PTPRU: variants seen among roughly 807,000 people sequenced by gnomAD.
The protein encoded by PTPRU is receptor-type tyrosine-protein phosphatase U.
PTPRU carries 69 observed loss-of-function variants against 166.3 expected under a neutral mutation model. The ratio of observed to expected loss-of-function variants is 0.41; its 90% confidence interval spans 0.34 to 0.51. PTPRU has a LOEUF of 0.51. Ranked by LOEUF, PTPRU falls within the 20% of genes least tolerant of loss-of-function variation. PTPRU has a pLI of 0.09. For missense variants in PTPRU, 1,657 were observed against 2,013.7 expected, an observed-to-expected ratio of 0.82 and a Z score of 3.39; for synonymous variants, 793 against 814.0, an observed-to-expected ratio of 0.97 and a Z score of 0.44.
chr1:29,299,349 G>A (rs943331602), intron 15 of PTPRU, among the ~76,000 whole-genome samples: 3 of 152,190 alleles, frequency 2.0e-5, no homozygotes, highest in Non-Finnish European at 4.4e-5. Flanking sequence ...TGGGCAAACT[G>A]GTCCTTAGGG....
chr1:29,282,627 C>A, intron 11 of PTPRU, 49 bp from the exon 12 acceptor site: 2 of 1,567,294 alleles, frequency 1.3e-6, no homozygotes, highest in Admixed American at 1.8e-5. Context: ...CTGGCTCTCC[C>A]AGTCCTCTGG....
chr1:29,286,304 C>T (rs1293856911), intron 14 of PTPRU, among the ~76,000 whole-genome samples: 10 of 152,216 alleles, frequency 6.6e-5, no homozygotes, highest in African/African-American at 2.4e-4. Flanking sequence ...GCTTCACACA[C>T]ATCATCCATG....
At chr1:29,275,798 C>G in intron 8 of PTPRU, 42 bp downstream of exon 8, 1 of 1,588,444 alleles carries the variant, frequency 6.3e-7, no homozygotes. Context: ...TGTGTACCTC[C>G]CACAGATACG....
Position 29,275,772 on chromosome 1 carries a change from C to A in PTPRU, c.1453+16C>A, listed in dbSNP as rs759972103. 6.2e-7 allele frequency: 1 copy of A among 1,610,310 alleles called. No homozygotes were observed. Among genetic ancestry groups the A allele is most frequent in the East Asian group, 2.2e-5 (1 of 44,820 alleles). On this transcript the variant is annotated intron_variant, in intron 8 of 29. Coordinates refer to ENST00000373779, the MANE Select transcript of PTPRU (RefSeq NM_133178.4). The stretch of plus-strand genomic sequence containing the variant: ...GATGAGGATGGTAAGAGTCTCAGTC[C>A]CAATTCCCGGGGCCCTGTGTACCTC...
chr1:29,286,310 C>G (rs1402962114), intron 14 of PTPRU, among the ~76,000 whole-genome samples: 2 of 152,234 alleles, frequency 1.3e-5, no homozygotes, highest in African/African-American at 4.8e-5. Flanking sequence ...CACACATCAT[C>G]CATGAGTACA....
chr1:29,255,146 G>A (rs1377891158), intron 1 of PTPRU, 129 bp from the exon 2 acceptor site: 3 of 1,127,368 alleles, frequency 2.7e-6, no homozygotes, highest in Non-Finnish European at 3.7e-6. Flanking sequence ...GAGCAGTGTG[G>A]GGAAGGGCCT....
chr1:29,279,535 A>G lies in PTPRU; in HGVS notation c.1643A>G (p.Asn548Ser), dbSNP rs144456016. ...CGACGTACCATCTCCAAGCTCCGCAATGAGACCTACCATGTCTTCTCCAAC... is the reference window on the plus strand; with the variant it reads ...CGACGTACCATCTCCAAGCTCCGCAGTGAGACCTACCATGTCTTCTCCAAC... ...GPRRTISKLR[N>S]ETYHVFSNLH... The change falls in exon 10 of 30, where the codon AAT (asparagine) becomes AGT (serine). Residue 548 changes from asparagine to serine, a missense_variant. By Grantham distance (46) the Asn-to-Ser change is conservative. Coordinates refer to ENST00000373779, the MANE Select transcript of PTPRU (RefSeq NM_133178.4). This position sits in a 1 kb window ranked among gnomAD's most constrained non-coding sequence, Gnocchi z 5.2. 1 of 1,614,150 alleles carries G rather than the reference A, an allele frequency of 6.2e-7. No homozygotes were observed. The highest frequency in any genetic ancestry group is 8.5e-7 in the Non-Finnish European group (1 of 1,180,002).
At chr1:29,297,007 A>G (rs1213389633) in intron 15 of PTPRU, among the ~76,000 whole-genome samples, 11 of 144,322 alleles carry the variant, frequency 7.6e-5, no homozygotes, top group Non-Finnish European at 1.2e-4. Flanking sequence ...AATCTCTCTT[A>G]TTAAATTTTC....
intron 18 of PTPRU, chr1:29,307,114 A>G (rs773826694): frequency 1.9e-6 from 3 of 1,612,672 alleles, no homozygotes; most frequent in South Asian, 2.2e-5. Context: ...CTGTTTCCTC[A>G]CTGGAATCAT....
intron 1 of PTPRU, among the ~76,000 whole-genome samples, chr1:29,241,333 T>C (rs1400495544): frequency 1.3e-5 from 2 of 152,050 alleles, no homozygotes; most frequent in African/African-American, 4.8e-5. Flanking sequence ...TCCCTGGGGC[T>C]GGAGGTGGGT....
intron 2 of PTPRU, among the ~76,000 whole-genome samples, chr1:29,256,571 C>T (rs145590080): frequency 8.4e-4 from 128 of 152,326 alleles, no homozygotes; most frequent in South Asian, 4.8e-3. Context: ...GCGCCTCCTG[C>T]GGACTCTCAT....
At chr1:29,248,495 C>G (rs1298330872) in intron 1 of PTPRU, among the ~76,000 whole-genome samples, 5 of 152,296 alleles carry the variant, frequency 3.3e-5, no homozygotes, top group East Asian at 3.9e-4. Flanking sequence ...ATCCCAGCCC[C>G]TAAATGTGCA....
rs66587028 is a variant in PTPRU, at chr1:29,257,221, G to GAAGT, written c.206-1282_206-1279dup. ...CAGCTGCTCGCAGGGAGAGGAGAGAGAAGTAGCATGAGTGGGCCAAGAGGG... is the reference window on the plus strand; with the variant it reads ...CAGCTGCTCGCAGGGAGAGGAGAGAGAAGTAAGTAGCATGAGTGGGCCAAGAGGG... On this transcript the variant is annotated intron_variant, in intron 2 of 29. Transcript: ENST00000373779. This position sits in a 1 kb window ranked among gnomAD's most constrained non-coding sequence, Gnocchi z 4.6. Among the ~76,000 whole-genome samples, 74,218 of 151,456 alleles carry GAAGT rather than the reference G, an allele frequency of 0.49. 19,732 individuals carry two copies. Among genetic ancestry groups the GAAGT allele is most frequent in the Middle Eastern group, 0.62 (179 of 290 alleles).
At chr1:29,313,452 A>G (rs1687761058) in intron 22 of PTPRU, among the ~76,000 whole-genome samples, 2 of 152,212 alleles carry the variant, frequency 1.3e-5, no homozygotes, top group South Asian at 4.1e-4. Context: ...TAAAAACAAA[A>G]CTTTATTGAT....
intron 28 of PTPRU, 115 bp downstream of exon 28, chr1:29,323,903 G>A (rs989369012): frequency 1.5e-6 from 2 of 1,302,692 alleles, no homozygotes; most frequent in African/African-American, 1.5e-5. Flanking sequence ...CGAAACCCCT[G>A]GGCTCTTAGA....
chr1:29,283,439 G>C (rs1429711576), intron 12 of PTPRU, among the ~76,000 whole-genome samples: 2 of 150,962 alleles, frequency 1.3e-5, no homozygotes, highest in Non-Finnish European at 2.9e-5. Flanking sequence ...TTTCTATCCA[G>C]GTCCCCAGTC....
intron 18 of PTPRU, among the ~76,000 whole-genome samples, chr1:29,308,858 C>T (rs1008328225): frequency 1.3e-5 from 2 of 151,882 alleles, no homozygotes; most frequent in African/African-American, 4.8e-5. Flanking sequence ...CCCATTTCTA[C>T]AAACAAACCA....
chr1:29,236,721 A>C lies in PTPRU; in HGVS notation c.73+4A>C. 1.4e-6 allele frequency: 2 copies of C among 1,431,712 alleles called. No homozygotes were observed. Among genetic ancestry groups the C allele is most frequent in the Non-Finnish European group, 9.1e-7 (1 of 1,095,140 alleles). The allele number at this position is 1,431,712 out of a possible 1,614,324, so 88.7% of individuals were successfully genotyped here. The stretch of plus-strand genomic sequence containing the variant: ...CCGGAGACCGAGACTCCGGCAGGTA[A>C]GCGCGCGGCGGCCGGACCGAGCCTG... On this transcript the variant is annotated splice_donor_region_variant and intron_variant, in intron 1 of 29. Coordinates refer to ENST00000373779, the MANE Select transcript of PTPRU (RefSeq NM_133178.4). The surrounding 1 kb of genome is among the most constrained non-coding windows in gnomAD (Gnocchi z 4.6).
intron 1 of PTPRU, among the ~76,000 whole-genome samples, chr1:29,254,851 G>A (rs892016645): frequency 2.0e-5 from 3 of 152,196 alleles, no homozygotes; most frequent in Admixed American, 2.0e-4. Flanking sequence ...CCAGTGACCT[G>A]CGTGACCCTA....
Sources: allele counts gnomAD v4.1 joint callset (sites outside exome capture counted in the v4.1 genomes callset), GRCh38; gene constraint gnomAD v4.1.1; non-coding constraint Gnocchi (gnomAD v3.1); transcripts MANE v1.5; gene names NCBI Gene and HGNC (gene_info 2026-07-23, HGNC 2026-07-21).